TMEM229B: variants seen among roughly 807,000 people sequenced by gnomAD.
TMEM229B encodes the protein transmembrane protein 229B, also known as chromosome 14 open reading frame 83.
In TMEM229B, 6 loss-of-function variants were observed where a neutral mutation model predicts 13.7. That is an observed-to-expected ratio of 0.44 (90% CI 0.24 to 0.86). The LOEUF (loss-of-function observed/expected upper bound fraction) is 0.86. TMEM229B is among the 40% of genes least tolerant of loss of function. TMEM229B has a pLI of 0.23. For missense variants in TMEM229B, 170 were observed against 236.0 expected (o/e 0.72, Z 1.83); for synonymous variants, 107 against 102.1 (o/e 1.05, Z -0.29).
rs1190098755 is a variant in TMEM229B, at chr14:67,487,167, G to C, written c.-186C>G. On this transcript the variant is annotated 5_prime_UTR_variant, in exon 2 of 3. Transcript: ENST00000554480. ...TGGCTGGGGGGCTGGCAGCTTCCAT[G>C]TGTCCCTGGGAATAAAAGAGGAGGC... The C allele has an allele frequency of 6.6e-6, 1 of 152,208 alleles. No homozygotes were observed. Among genetic ancestry groups the C allele is most frequent in the Non-Finnish European group, 1.5e-5 (1 of 68,080 alleles). The allele number at this position is 152,208 out of a possible 1,614,324, so 9.4% of individuals were successfully genotyped here. A position where few individuals can be genotyped will look rare whatever the true frequency, so the allele number is the denominator to read the frequency against.
chr14:67,508,752 T>TAAAAAAAAAAAAAAAAAAA (rs2032918967), intron 1 of TMEM229B, among the ~76,000 whole-genome samples: 1 of 18,866 alleles, frequency 5.3e-5, no homozygotes, highest in Non-Finnish European at 1.7e-4. Flanking sequence ...AAACCTTGTC[T>TAAAAAAAAAAAAAAAAAAA]CAAAAAAAAA....
At chr14:67,532,845 C>G (rs925850367) in intron 1 of TMEM229B, among the ~76,000 whole-genome samples, 3 of 152,242 alleles carry the variant, frequency 2.0e-5, no homozygotes, top group African/African-American at 7.2e-5. Flanking sequence ...AATGCTGGAA[C>G]CTTTGGCGGA....
intron 1 of TMEM229B, chr14:67,533,440 G>C (rs938025763): frequency 2.0e-5 from 3 of 152,186 alleles, no homozygotes; most frequent in Non-Finnish European, 4.4e-5. Context: ...GGCTGGGGCT[G>C]CGCCGCGGCG....
chr14:67,499,065 T>C (rs1056679744), intron 1 of TMEM229B, among the ~76,000 whole-genome samples: 1 of 152,038 alleles, frequency 6.6e-6, no homozygotes, highest in African/African-American at 2.4e-5. Flanking sequence ...TTCAGTGGTG[T>C]GATCATAGGT....
At chr14:67,529,474 G>T (rs1039409252) in intron 1 of TMEM229B, among the ~76,000 whole-genome samples, 31 of 152,190 alleles carry the variant, frequency 2.0e-4, no homozygotes, top group African/African-American at 7.5e-4. Flanking sequence ...GTGAGTAACT[G>T]AATGAATAAA....
At chr14:67,481,808 A>G (rs1313004016) in intron 2 of TMEM229B, among the ~76,000 whole-genome samples, 1 of 152,200 alleles carries the variant, frequency 6.6e-6, no homozygotes, top group Non-Finnish European at 1.5e-5. Context: ...CCCTGGGATC[A>G]GAGCCCTGGG....
chr14:67,503,477 C>T (rs942965630), intron 1 of TMEM229B: 4 of 152,136 alleles, frequency 2.6e-5, no homozygotes, highest in African/African-American at 4.8e-5. Flanking sequence ...GGGCAAAGGA[C>T]GTCAATTACC....
At chr14:67,514,481 G>C (rs1442521441) in intron 1 of TMEM229B, among the ~76,000 whole-genome samples, 1 of 152,160 alleles carries the variant, frequency 6.6e-6, no homozygotes, top group Non-Finnish European at 1.5e-5. Context: ...CCCAGGACAC[G>C]GACCTGGGGA....
At chr14:67,490,055 C>A (rs2032103248), upstream of TMEM229B, among the ~76,000 whole-genome samples, 1 of 152,052 alleles carries the variant, frequency 6.6e-6, no homozygotes, top group African/African-American at 2.4e-5. Context: ...TTCTTGAGAT[C>A]ATAAAATTTC....
At chr14:67,505,136 C>T (rs1245343432) in intron 1 of TMEM229B, among the ~76,000 whole-genome samples, 1 of 151,990 alleles carries the variant, frequency 6.6e-6, no homozygotes, top group Non-Finnish European at 1.5e-5. Context: ...AGTGTGACAC[C>T]AAAGAAGGAT....
intron 1 of TMEM229B, among the ~76,000 whole-genome samples, chr14:67,496,399 T>TTTTTG (rs1566688528): frequency 3.3e-5 from 4 of 122,054 alleles, no homozygotes; most frequent in Non-Finnish European, 5.1e-5. Flanking sequence ...GCGTTTTTTT[T>TTTTTG]TTTTTTTTTT....
intron 2 of TMEM229B, among the ~76,000 whole-genome samples, chr14:67,474,947 G>A (rs976486839): frequency 3.1e-5 from 4 of 128,584 alleles, no homozygotes; most frequent in Non-Finnish European, 4.6e-5. Context: ...ACGGAGTCTC[G>A]CTCTGTCGTC....
upstream of TMEM229B, among the ~76,000 whole-genome samples, chr14:67,516,761 G>A (rs1314531015): frequency 6.6e-6 from 1 of 152,208 alleles, no homozygotes; most frequent in Non-Finnish European, 1.5e-5. Flanking sequence ...CCATCCCCAT[G>A]TATATCGTGT....
chr14:67,512,995 C>T (rs959372241), intron 1 of TMEM229B, among the ~76,000 whole-genome samples: 9 of 152,078 alleles, frequency 5.9e-5, no homozygotes, highest in Non-Finnish European at 1.0e-4. Context: ...CTGATACAAC[C>T]GAAATAAACA....
intron 1 of TMEM229B, chr14:67,533,595 A>T (rs2033559287): frequency 2.0e-5 from 3 of 151,786 alleles, no homozygotes; most frequent in Admixed American, 2.0e-4. Flanking sequence ...GCCCCAGGGG[A>T]CTCGCGCCGC....
Position 67,473,562 on chromosome 14 carries a change from G to A in TMEM229B, c.362C>T (p.Ala121Val). The A allele has an allele frequency of 6.2e-7, 1 of 1,613,466 alleles. No individual in the cohort carries two copies. The highest frequency in any genetic ancestry group is 1.1e-5 in the South Asian group (1 of 90,964). Residue 121 changes from alanine to valine, a missense_variant, in exon 3 of 3, where the codon GCC becomes GTC. Ala to Val is a moderately conservative substitution (Grantham distance 64). Around this residue, in one of 4 missense-constraint regions of TMEM229B, gnomAD observed 7 missense variants for 24.5 expected, o/e 0.29. Coordinates refer to ENST00000554480, the MANE Select transcript of TMEM229B (RefSeq NM_001348543.2). This position sits in a 1 kb window ranked among gnomAD's most constrained non-coding sequence, Gnocchi z 6.5. ...GAGGGCCCCGCAGAACCAGGGCACG[G>A]CGTACTCCAGGGTGATGAGGCCCAT... is the stretch of plus-strand genomic sequence containing the variant. ...DFMGLITLEY[A>V]VPWFCGALIM...
chr14:67,491,739 G>A (rs866627253), upstream of TMEM229B, among the ~76,000 whole-genome samples: 1 of 152,178 alleles, frequency 6.6e-6, no homozygotes, highest in Non-Finnish European at 1.5e-5. Context: ...ACTTATCCTA[G>A]AGTAAGAAAA....
upstream of TMEM229B, among the ~76,000 whole-genome samples, chr14:67,490,645 G>C (rs1428476368): frequency 6.6e-6 from 1 of 152,106 alleles, no homozygotes; most frequent in East Asian, 1.9e-4. Context: ...GGGCTTGCAG[G>C]ATTGAGTCTC....
chr14:67,487,819 C>T (rs112980357), intron 1 of TMEM229B, among the ~76,000 whole-genome samples: 317 of 151,966 alleles, frequency 2.1e-3, no homozygotes, highest in African/African-American at 7.4e-3. Flanking sequence ...CAAGTAGAGA[C>T]GGGTCTTGCT....
Sources: gnomAD v4.1 joint callset for allele counts (sites outside exome capture counted in the v4.1 genomes callset) on GRCh38, gnomAD v4.1.1 for gene constraint, gnomAD v4.1.1 regional missense constraint, Gnocchi (gnomAD v3.1) non-coding constraint, MANE v1.5 for transcripts, NCBI Gene and HGNC (gene_info 2026-07-23, HGNC 2026-07-21) for gene names.